Variants in PRKCB observed in about 807,000 individuals in gnomAD.
PRKCB encodes protein kinase C beta type.
PRKCB carries 13 observed loss-of-function variants against 81.5 expected under a neutral mutation model. That is an observed-to-expected ratio of 0.16 (90% CI 0.10 to 0.25). The LOEUF (loss-of-function observed/expected upper bound fraction) is 0.25, where lower values mean the gene tolerates loss of function less well. PRKCB is among the 10% of genes least tolerant of loss of function. PRKCB has a pLI of 1.00. For synonymous variants in PRKCB, 335 were observed against 321.4 expected (o/e 1.04, Z -0.45); for missense variants, 509 against 875.7 (o/e 0.58, Z 5.29).
chr16:24,084,931 C>A (rs532198649), intron 5 of PRKCB, among the ~76,000 whole-genome samples: 1 of 152,108 alleles, frequency 6.6e-6, no homozygotes, highest in South Asian at 2.1e-4. Context: ...GTGACACTTT[C>A]CCCTGGGGAC....
rs923666788 is a variant in PRKCB at position 23,881,149 on chromosome 16, G to A, written c.205+43743G>A. Among the ~76,000 whole-genome samples, 5 of 152,056 alleles carry A rather than the reference G, an allele frequency of 3.3e-5. No individual in the cohort carries two copies. The East Asian group carries it at 9.7e-4, about 29-fold the overall frequency. On this transcript the variant is annotated intron_variant, in intron 2 of 16. Coordinates refer to ENST00000643927, the MANE Select transcript of PRKCB (RefSeq NM_002738.7). ...TCTTCACTCTGTGATGCTCCTGGGG[G>A]CCCAGGCCCATGAGTCTCTGTGTCC...
At chr16:23,970,663 A>G (rs1964543893) in intron 2 of PRKCB, among the ~76,000 whole-genome samples, 2 of 152,224 alleles carry the variant, frequency 1.3e-5, no homozygotes. Flanking sequence ...TTTATTTAAA[A>G]GGAATCACGA....
At chr16:23,918,148 GA>G (rs1452321184) in intron 2 of PRKCB, among the ~76,000 whole-genome samples, 5 of 152,182 alleles carry the variant, frequency 3.3e-5, no homozygotes, top group African/African-American at 1.2e-4. Flanking sequence ...GGGGATGGGG[GA>G]TGTTTTGACA....
chr16:24,086,059 A>G (rs1286406632), intron 5 of PRKCB, among the ~76,000 whole-genome samples: 2 of 152,172 alleles, frequency 1.3e-5, no homozygotes, highest in Non-Finnish European at 2.9e-5. Context: ...ATCAGAGCCT[A>G]TCAGGTGAAG....
intron 8 of PRKCB, among the ~76,000 whole-genome samples, chr16:24,116,033 C>T (rs1011031544): frequency 1.3e-5 from 2 of 152,098 alleles, no homozygotes; most frequent in Non-Finnish European, 2.9e-5. Context: ...AGCATTTATC[C>T]CAAGAGCCCA....
chr16:23,891,040 G>GTA lies in PRKCB; in HGVS notation c.205+53647_205+53648dup, dbSNP rs60980013. On this transcript the variant is annotated intron_variant, in intron 2 of 16. Coordinates refer to ENST00000643927, the MANE Select transcript of PRKCB (RefSeq NM_002738.7). ...GTGTGTGTATATATATAATGTGTGT[G>GTA]TATATATATATATAATTTTTTTTGA... Among the ~76,000 whole-genome samples the GTA allele has an allele frequency of 2.3e-3, 334 of 145,752 alleles. 1 individual carries two copies. Among genetic ancestry groups the GTA allele is most frequent in the African/African-American group, 7.3e-3 (284 of 39,006 alleles).
intron 2 of PRKCB, among the ~76,000 whole-genome samples, chr16:23,934,318 GTTT>G (rs3073130): frequency 0.15 from 20,510 of 135,030 alleles, 1,595 homozygotes; most frequent in South Asian, 0.22. Flanking sequence ...GAAAAAAGCT[GTTT>G]TTTTTTTTTT....
intron 3 of PRKCB, among the ~76,000 whole-genome samples, chr16:24,006,630 A>G (rs1266891711): frequency 6.6e-6 from 1 of 152,240 alleles, no homozygotes; most frequent in Non-Finnish European, 1.5e-5. Flanking sequence ...AGAAAACTTG[A>G]ACAACCAGAC....
chr16:24,026,887 G>A (rs1184947417), intron 3 of PRKCB, among the ~76,000 whole-genome samples: 3 of 152,308 alleles, frequency 2.0e-5, no homozygotes, highest in South Asian at 2.1e-4. Context: ...TGGCCAATCC[G>A]TGTCTTGGAA....
chr16:24,058,367 T>C (rs1965930963), intron 5 of PRKCB, among the ~76,000 whole-genome samples: 1 of 152,142 alleles, frequency 6.6e-6, no homozygotes, highest in African/African-American at 2.4e-5. Context: ...CAGTGCACAA[T>C]TGACATGTAC....
chr16:23,972,231 A>T lies in PRKCB; in HGVS notation c.206-16277A>T, dbSNP rs145043702. On this transcript the variant is annotated intron_variant, in intron 2 of 16. Transcript: ENST00000643927. ...GGCCATTAATCTATATAGTAACAGA[A>T]AGTGGATCAGTGTCTACCACAGGCT... is the stretch of plus-strand genomic sequence containing the variant. 2.4e-3 allele frequency among the ~76,000 whole-genome samples: 366 copies of T among 152,334 alleles called. 1 individual carries two copies. Among genetic ancestry groups the T allele is most frequent in the African/African-American group, 8.4e-3 (348 of 41,576 alleles).
chr16:24,044,967 G>A (rs938280611), intron 5 of PRKCB, among the ~76,000 whole-genome samples: 1 of 152,192 alleles, frequency 6.6e-6, no homozygotes, highest in Non-Finnish European at 1.5e-5. Context: ...GAAAGGTGTG[G>A]AAGGATACCA....
Position 24,019,826 on chromosome 16 carries a change from T to C in PRKCB, c.289-12310T>C, listed in dbSNP as rs865823832. 3.3e-5 allele frequency among the ~76,000 whole-genome samples: 5 copies of C among 152,142 alleles called. 1 individual carries two copies. Among genetic ancestry groups the C allele is most frequent in the Non-Finnish European group, 4.4e-5 (3 of 68,024 alleles). ...ATTAATGCAGAGAACTTCCTCATTGTACTTTATACCTGAGTAGTCTTCCAT... is the reference window on the plus strand; with the variant it reads ...ATTAATGCAGAGAACTTCCTCATTGCACTTTATACCTGAGTAGTCTTCCAT... On this transcript the variant is annotated intron_variant, in intron 3 of 16. Transcript: ENST00000643927.
chr16:24,112,566 A>G (rs1966688496), intron 7 of PRKCB, among the ~76,000 whole-genome samples: 1 of 152,136 alleles, frequency 6.6e-6, no homozygotes, highest in South Asian at 2.1e-4. Context: ...TAACAACAAC[A>G]ACAAGAAATT....
At chr16:24,148,154 A>G (rs1967022728) in intron 9 of PRKCB, among the ~76,000 whole-genome samples, 1 of 152,198 alleles carries the variant, frequency 6.6e-6, no homozygotes, top group African/African-American at 2.4e-5. Context: ...TTTAATCCTA[A>G]GGAAGCACTG....
At chr16:24,153,042 C>T (rs1477045284) in intron 9 of PRKCB, among the ~76,000 whole-genome samples, 1 of 152,150 alleles carries the variant, frequency 6.6e-6, no homozygotes, top group African/African-American at 2.4e-5. Flanking sequence ...AGCTCGGAAG[C>T]TTCAGTGCAT....
intron 9 of PRKCB, among the ~76,000 whole-genome samples, chr16:24,152,046 A>C (rs952938372): frequency 2.7e-4 from 41 of 152,146 alleles, no homozygotes; most frequent in African/African-American, 9.7e-4. Flanking sequence ...GCAGATATTC[A>C]GGATTGTTGG....
chr16:24,167,222 G>A (rs1384882565), intron 10 of PRKCB, among the ~76,000 whole-genome samples: 1 of 151,266 alleles, frequency 6.6e-6, no homozygotes, highest in Non-Finnish European at 1.5e-5. Flanking sequence ...CCACCAACTT[G>A]TATGTGACCT....
intron 5 of PRKCB, among the ~76,000 whole-genome samples, chr16:24,089,580 G>A (rs1321666341): frequency 6.6e-6 from 1 of 152,092 alleles, no homozygotes; most frequent in African/African-American, 2.4e-5. Context: ...ACCAGTCTGG[G>A]CAACATAGAG....
Sources: gnomAD v4.1 joint callset for allele counts (sites outside exome capture counted in the v4.1 genomes callset) on GRCh38, gnomAD v4.1.1 for gene constraint, MANE v1.5 for transcripts, NCBI Gene and HGNC (gene_info 2026-07-23, HGNC 2026-07-21) for gene names.